Variants in LBP observed in about 807,000 individuals in gnomAD.
LBP encodes lipopolysaccharide-binding protein.
LBP carries 53 observed loss-of-function variants against 56.6 expected under a neutral mutation model. The ratio of observed to expected loss-of-function variants is 0.94; its 90% CI spans 0.75 to 1.18. The LOEUF is 1.18. Among genes scored for constraint, LBP ranks in the 50% most tolerant of loss-of-function variants. LBP has a pLI of 0.00. For synonymous variants in LBP, 227 were observed against 247.5 expected, an observed-to-expected ratio of 0.92 and a Z score of 0.78; for missense variants, 601 against 598.3, an observed-to-expected ratio of 1.00 and a Z score of -0.05.
intron 9 of LBP, 149 bp from the exon 10 acceptor site, chr20:38,368,846 T>C: frequency 1.4e-6 from 1 of 740,030 alleles, no homozygotes; most frequent in Admixed American, 2.3e-5. Flanking sequence ...GATGGCCAGT[T>C]TTGCCACTAG....
At chr20:38,371,411 T>C (rs1386179801) in intron 12 of LBP, 89 bp downstream of exon 12, 1 of 996,472 alleles carries the variant, frequency 1.0e-6, no homozygotes, top group Admixed American at 2.2e-5. Flanking sequence ...TAATAGGAAA[T>C]ACAAAAGGAG....
Position 38,354,316 on chromosome 20 carries a change from A to G in LBP, c.401A>G (p.Lys134Arg). The change falls in exon 4 of 15, where the codon AAG becomes AGG. Residue 134 changes from lysine to arginine, a missense_variant. Physicochemically the swap from Lys to Arg is conservative, Grantham distance 26 (BLOSUM62 2). Transcript: ENST00000217407. ...KLQGSFDVSV[K>R]GISISVNLLL... ...CAGGGCTCCTTTGATGTCAGTGTCA[A>G]GGGCATCAGCATTTCGGTCAACCTC... 1 of 1,613,802 alleles carries G rather than the reference A, an allele frequency of 6.2e-7. No homozygotes were observed. Among genetic ancestry groups the G allele is most frequent in the Non-Finnish European group, 8.5e-7 (1 of 1,179,920 alleles).
chr20:38,352,429 G>A (rs577822776), intron 3 of LBP, among the ~76,000 whole-genome samples: 1 of 152,300 alleles, frequency 6.6e-6, no homozygotes, highest in East Asian at 1.9e-4. Flanking sequence ...CACTGGATTT[G>A]AAGATTTAGG....
intron 8 of LBP, among the ~76,000 whole-genome samples, chr20:38,365,738 A>ATATATATT (rs2076879693): frequency 1.4e-5 from 2 of 144,396 alleles, no homozygotes; most frequent in African/African-American, 5.1e-5. Context: ...ATATATATAT[A>ATATATATT]TATATATTTA....
intron 4 of LBP, 123 bp downstream of exon 4, chr20:38,354,562 A>G (rs905079129): frequency 1.8e-5 from 14 of 773,846 alleles, no homozygotes; most frequent in Non-Finnish European, 2.6e-5. Context: ...CTTGAAGATC[A>G]TTCTCTGGGG....
chr20:38,366,661 G>A, intron 8 of LBP, 108 bp from the exon 9 acceptor site: 1 of 1,026,810 alleles, frequency 9.7e-7, no homozygotes, highest in South Asian at 1.3e-5. Context: ...GGTAACCCAG[G>A]CTGTGGAGAA....
chr20:38,346,706 G>C, intron 1 of LBP, 66 bp downstream of exon 1: 1 of 1,599,098 alleles, frequency 6.3e-7, no homozygotes, highest in Non-Finnish European at 8.5e-7. Context: ...GGGTACAGTG[G>C]GGACAGGGAG....
chr20:38,367,428 TG>T (rs1398402538), intron 9 of LBP, among the ~76,000 whole-genome samples: 1 of 152,182 alleles, frequency 6.6e-6, no homozygotes, highest in Non-Finnish European at 1.5e-5. Context: ...CACTCCAGCC[TG>T]GGCAACAGAG....
At chr20:38,367,428 T>C (rs1277088803) in intron 9 of LBP, among the ~76,000 whole-genome samples, 1 of 152,182 alleles carries the variant, frequency 6.6e-6, no homozygotes, top group Non-Finnish European at 1.5e-5. Flanking sequence ...CACTCCAGCC[T>C]GGGCAACAGA....
In LBP at chr20:38,371,271, T is replaced by G. The variant is rs747278456; in HGVS notation, c.1218-9T>G. 6.2e-6 allele frequency: 10 copies of G among 1,610,700 alleles called. No individual in the cohort carries two copies. Among genetic ancestry groups the G allele is most frequent in the Non-Finnish European group, 8.5e-6 (10 of 1,177,414 alleles). ...CCCACACCTTTTAATCTTCTCTGAT[T>G]CATTACAGGGTAAAAGTGGAACTGA... On this transcript the variant is annotated splice_polypyrimidine_tract_variant and intron_variant, in intron 11 of 14. Transcript: ENST00000217407.
At chr20:38,363,427 G>A (rs1168080995) in intron 6 of LBP, among the ~76,000 whole-genome samples, 1 of 152,180 alleles carries the variant, frequency 6.6e-6, no homozygotes, top group African/African-American at 2.4e-5. Context: ...TGGAGTCTCT[G>A]GATCCAGGGT....
Position 38,373,736 on chromosome 20 carries a change from G to A in LBP, c.1325-201G>A, listed in dbSNP as rs112652150. ...TTTCTGACACTTCCTGTGTGACCTA[G>A]AACAAGTTACTTGGCCACTCTGTGC... On this transcript the variant is annotated intron_variant, in intron 13 of 14. Coordinates refer to ENST00000217407, the MANE Select transcript of LBP (RefSeq NM_004139.5). Among the ~76,000 whole-genome samples the A allele has an allele frequency of 3.3e-4, 49 of 149,870 alleles. 3 individuals carry two copies. The highest frequency in any genetic ancestry group is 1.2e-3 in the African/African-American group (47 of 40,252).
intron 6 of LBP, among the ~76,000 whole-genome samples, chr20:38,362,378 C>T (rs190823122): frequency 0.013 from 1,834 of 144,442 alleles, 39 homozygotes; most frequent in African/African-American, 0.042. Context: ...TTAGGGAGGC[C>T]GAGGCGGGTG....
chr20:38,374,580 G>A (rs2076911491), intron 14 of LBP, among the ~76,000 whole-genome samples: 1 of 135,724 alleles, frequency 7.4e-6, no homozygotes. Context: ...CTGGGCAACA[G>A]AGCAACACTC....
intron 12 of LBP, 57 bp from the exon 13 acceptor site, chr20:38,373,015 C>T: frequency 1.3e-6 from 2 of 1,482,252 alleles, no homozygotes; most frequent in Non-Finnish European, 1.9e-6. Context: ...TTGGCACACA[C>T]AGAACCACCA....
intron 10 of LBP, among the ~76,000 whole-genome samples, chr20:38,370,252 T>C (rs1288820582): frequency 6.6e-6 from 1 of 152,050 alleles, no homozygotes; most frequent in Non-Finnish European, 1.5e-5. Flanking sequence ...GGCATGCACC[T>C]GTAGTCCTAT....
At chr20:38,368,857 G>T in intron 9 of LBP, 138 bp from the exon 10 acceptor site, 1 of 818,556 alleles carries the variant, frequency 1.2e-6, no homozygotes, top group Non-Finnish European at 2.0e-6. Context: ...TTGCCACTAG[G>T]AGAAAAAGGC....
At chr20:38,373,177 T>A (rs902060864) in intron 13 of LBP, 42 bp downstream of exon 13, 1 of 1,534,096 alleles carries the variant, frequency 6.5e-7, no homozygotes, top group Non-Finnish European at 9.0e-7. Flanking sequence ...AAGTGAACAC[T>A]GCTGTCTGGA....
chr20:38,349,470 G>T, intron 1 of LBP, 78 bp from the exon 2 acceptor site: 1 of 1,056,736 alleles, frequency 9.5e-7, no homozygotes, highest in Non-Finnish European at 1.4e-6. Flanking sequence ...TTGAGGACAG[G>T]TGGGAGCCAC....
Sources: gnomAD v4.1 joint callset for allele counts (sites outside exome capture counted in the v4.1 genomes callset) on GRCh38, gnomAD v4.1.1 for gene constraint, MANE v1.5 for transcripts, NCBI Gene and HGNC (gene_info 2026-07-23, HGNC 2026-07-21) for gene names.